The following TSPAN11 variants were observed in gnomAD, a reference collection of about 807,000 sequenced individuals.
TSPAN11 encodes the protein tetraspanin-11.
In TSPAN11, 29 loss-of-function variants were observed where a neutral mutation model predicts 32.9. That is an observed-to-expected ratio of 0.88 (90% CI 0.66 to 1.20). The LOEUF is 1.20. Ranked by LOEUF, TSPAN11 falls within the 50% of genes most tolerant of loss-of-function variation. The pLI, the probability that TSPAN11 is intolerant of heterozygous loss-of-function variation, is 0.00. For missense variants in TSPAN11, 283 were observed against 329.1 expected (o/e 0.86, Z 1.08); for synonymous variants, 140 against 141.3 (o/e 0.99, Z 0.07).
At position 30,993,809 on chromosome 12, in the gene TSPAN11, T is replaced by A. The variant is rs1230968985; in HGVS notation, c.*1894T>A. The A allele has an allele frequency of 6.6e-6, 1 of 152,262 alleles. No individual in the cohort carries two copies. The highest frequency in any genetic ancestry group is 2.4e-5 in the African/African-American group (1 of 41,420). The allele number at this position is 152,262 out of a possible 1,614,324, so 9.4% of individuals were successfully genotyped here. On this transcript the variant is annotated 3_prime_UTR_variant, in exon 8 of 8. Transcript: ENST00000546076. ...GAAAGAGGGTACTGGGCTAGAGCCA[T>A]GTTCTTCCTGCCGAGGTGCCAGGGG...
At chr12:31,006,569 G>T in the TSPAN11 span, among the ~76,000 whole-genome samples, 98 of 152,302 alleles carry the variant, frequency 6.4e-4, 1 homozygote, top group East Asian at 0.017. Context: ...AATTCCTTTG[G>T]GTTGTCCTCC....
chr12:30,949,069 G>C (rs756253562), intron 1 of TSPAN11, among the ~76,000 whole-genome samples: 7 of 152,184 alleles, frequency 4.6e-5, no homozygotes, highest in Non-Finnish European at 8.8e-5. Flanking sequence ...CTTTGCTCCA[G>C]TTCCCAACAA....
chr12:30,979,471 C>A, intron 4 of TSPAN11, 95 bp from the exon 5 acceptor site: 2 of 1,137,854 alleles, frequency 1.8e-6, no homozygotes, highest in South Asian at 1.3e-5. Context: ...CCGCAGTGTT[C>A]TAGAATTAGC....
At chr12:30,977,962 A>T (rs1050268823) in intron 3 of TSPAN11, among the ~76,000 whole-genome samples, 1 of 152,150 alleles carries the variant, frequency 6.6e-6, no homozygotes, top group African/African-American at 2.4e-5. Context: ...TGGTTGTCAC[A>T]GTCCACGCTG....
At chr12:31,013,295 G>A in the TSPAN11 span, among the ~76,000 whole-genome samples, 2 of 152,142 alleles carry the variant, frequency 1.3e-5, no homozygotes, top group South Asian at 2.1e-4. Flanking sequence ...GGGAGAAGGT[G>A]CAGAGACAGC....
intron 3 of TSPAN11, among the ~76,000 whole-genome samples, chr12:30,976,833 C>G (rs931946284): frequency 1.4e-4 from 22 of 152,252 alleles, no homozygotes; most frequent in African/African-American, 4.6e-4. Context: ...ACACCCAGCC[C>G]TCTCCACACA....
At chr12:30,955,903 A>C (rs562637461) in intron 2 of TSPAN11, among the ~76,000 whole-genome samples, 1 of 152,364 alleles carries the variant, frequency 6.6e-6, no homozygotes, top group African/African-American at 2.4e-5. Context: ...TTTCCAAATA[A>C]GGCCACATTC....
chr12:31,007,689 C>A, the TSPAN11 span, among the ~76,000 whole-genome samples: 1 of 152,182 alleles, frequency 6.6e-6, no homozygotes. Context: ...CAGGGCCAGG[C>A]CCAACATTTA....
intron 3 of TSPAN11, among the ~76,000 whole-genome samples, chr12:30,972,075 G>A (rs1448766555): frequency 6.6e-6 from 1 of 152,158 alleles, no homozygotes; most frequent in Non-Finnish European, 1.5e-5. Flanking sequence ...AGTTTTTATG[G>A]AGGACTCTGG....
At chr12:30,970,080 T>C (rs980250579) in intron 3 of TSPAN11, among the ~76,000 whole-genome samples, 2 of 152,086 alleles carry the variant, frequency 1.3e-5, no homozygotes, top group African/African-American at 4.8e-5. Flanking sequence ...CTGTACTATC[T>C]CTCCCACAGC....
At position 30,994,905 on chromosome 12, in the gene TSPAN11, A is replaced by C. The variant is rs1939387200; in HGVS notation, c.*2990A>C. 1 of 152,236 alleles carries C rather than the reference A, an allele frequency of 6.6e-6. No homozygotes were observed. The allele number at this position is 152,236 out of a possible 1,614,324, so 9.4% of individuals were successfully genotyped here. A position where few individuals can be genotyped will look rare whatever the true frequency, so the allele number is the denominator to read the frequency against. ...CACCCCCAGCTGGGGAGAAGGAAGAAAACTGGGCCGGGAACCCCTCCCCTC... is the reference window on the plus strand; with the variant it reads ...CACCCCCAGCTGGGGAGAAGGAAGACAACTGGGCCGGGAACCCCTCCCCTC... On this transcript the variant is annotated 3_prime_UTR_variant, in exon 8 of 8. Coordinates refer to ENST00000546076, the MANE Select transcript of TSPAN11 (RefSeq NM_001370302.1).
chr12:30,977,718 C>A (rs1234387509), intron 3 of TSPAN11, among the ~76,000 whole-genome samples: 1 of 151,952 alleles, frequency 6.6e-6, no homozygotes, highest in Admixed American at 6.6e-5. Flanking sequence ...TCTCAGGAGC[C>A]CTCCTGACTG....
chr12:30,991,502 G>C (rs1939311265), intron 7 of TSPAN11, among the ~76,000 whole-genome samples: 1 of 152,232 alleles, frequency 6.6e-6, no homozygotes, highest in African/African-American at 2.4e-5. Flanking sequence ...CAGACCAGCA[G>C]CATCAACTGG....
intron 1 of TSPAN11, among the ~76,000 whole-genome samples, chr12:30,928,443 G>A (rs1158954974): frequency 6.6e-6 from 1 of 152,124 alleles, no homozygotes; most frequent in Admixed American, 6.5e-5. Flanking sequence ...TCAGACCCAG[G>A]GCCAACGCTG....
At chr12:30,947,997 G>A (rs557677560) in intron 1 of TSPAN11, among the ~76,000 whole-genome samples, 1 of 152,206 alleles carries the variant, frequency 6.6e-6, no homozygotes, top group East Asian at 1.9e-4. Flanking sequence ...TTCCAAATGG[G>A]AGAAATTGGC....
At position 30,959,041 on chromosome 12, in the gene TSPAN11, G is replaced by A. The variant is rs530459226; in HGVS notation, c.85-4785G>A. ...AAAAATCAAAACAGCCATAAAGCAG[G>A]AAAGAGAAACACTAGCTGTTGCCCC... On this transcript the variant is annotated intron_variant, in intron 2 of 7. Transcript: ENST00000546076. Among the ~76,000 whole-genome samples the A allele has an allele frequency of 7.2e-4, 110 of 152,284 alleles. 2 individuals are homozygous for A. The highest frequency in any genetic ancestry group is 1.5e-4 in the Non-Finnish European group (10 of 68,024).
At chr12:31,014,872 C>T in the TSPAN11 span, among the ~76,000 whole-genome samples, 5 of 152,272 alleles carry the variant, frequency 3.3e-5, no homozygotes, top group East Asian at 9.7e-4. Context: ...TTTGCAAAGC[C>T]TGTGGCGCTC....
intron 3 of TSPAN11, among the ~76,000 whole-genome samples, chr12:30,970,437 C>A (rs1428440885): frequency 1.3e-5 from 2 of 152,196 alleles, no homozygotes; most frequent in Non-Finnish European, 2.9e-5. Flanking sequence ...TCTCCTTAGA[C>A]CCCCAACATT....
In TSPAN11 at chr12:30,996,210, C is replaced by G. The variant is rs1939414501; in HGVS notation, c.*4295C>G. On this transcript the variant is annotated 3_prime_UTR_variant, in exon 8 of 8. Transcript: ENST00000546076. ...GCCTGGGTCCCTTCCTGGAAGGGGA[C>G]AAGTTACACACCCCAGCCCCATTTT... The G allele has an allele frequency of 6.6e-6, 1 of 152,250 alleles. No individual in the cohort carries two copies. Among genetic ancestry groups the G allele is most frequent in the South Asian group, 2.1e-4 (1 of 4,824 alleles). The allele number at this position is 152,250 out of a possible 1,614,324, so 9.4% of individuals were successfully genotyped here.
Sources: gnomAD v4.1 joint callset for allele counts (sites outside exome capture counted in the v4.1 genomes callset) on GRCh38, gnomAD v4.1.1 for gene constraint, MANE v1.5 for transcripts, NCBI Gene and HGNC (gene_info 2026-07-23, HGNC 2026-07-21) for gene names.